Variants in EDC3 observed in about 807,000 individuals in gnomAD.
EDC3 encodes enhancer of mRNA decapping 3, also known as enhancer of mRNA-decapping protein 3.
In EDC3, 20 loss-of-function variants were observed where a neutral mutation model predicts 41.8. That is an observed-to-expected ratio of 0.48 (90% confidence interval 0.34 to 0.70). The LOEUF is 0.70. EDC3 is among the 30% of genes least tolerant of loss of function. The probability of loss-of-function intolerance (pLI) is 0.01; values close to 1 mark genes in which losing one functional copy is unlikely to be tolerated. For synonymous variants in EDC3, 206 were observed against 243.2 expected, an observed-to-expected ratio of 0.85 and a Z score of 1.42; for missense variants, 444 against 636.8, an observed-to-expected ratio of 0.70 and a Z score of 3.26.
chr15:74,672,471 C>T (rs577976053), intron 2 of EDC3, among the ~76,000 whole-genome samples: 1 of 152,090 alleles, frequency 6.6e-6, no homozygotes, highest in African/African-American at 2.4e-5. Context: ...CACTACGTGC[C>T]CACAGGAACT....
intron 2 of EDC3, among the ~76,000 whole-genome samples, chr15:74,674,510 T>C (rs1177127959): frequency 6.6e-6 from 1 of 151,924 alleles, no homozygotes; most frequent in South Asian, 2.1e-4. Flanking sequence ...ATGACAAAGT[T>C]AGAAAAAAAG....
At chr15:74,674,032 G>A (rs2062772941) in intron 2 of EDC3, among the ~76,000 whole-genome samples, 1 of 152,094 alleles carries the variant, frequency 6.6e-6, no homozygotes, top group African/African-American at 2.4e-5. Context: ...TGGAATACAT[G>A]CAAAGAAAAA....
chr15:74,660,171 G>A (rs1178639007), intron 3 of EDC3, among the ~76,000 whole-genome samples: 1 of 151,790 alleles, frequency 6.6e-6, no homozygotes, highest in African/African-American at 2.4e-5. Flanking sequence ...CACACCACTT[G>A]CACTCCGGCC....
At chr15:74,681,567 T>C (rs886791847) in intron 1 of EDC3, among the ~76,000 whole-genome samples, 1 of 152,128 alleles carries the variant, frequency 6.6e-6, no homozygotes, top group Non-Finnish European at 1.5e-5. Flanking sequence ...TGTAAATCGA[T>C]AAAATAGAAG....
chr15:74,675,651 C>A (rs542320332), intron 1 of EDC3, among the ~76,000 whole-genome samples: 2 of 145,990 alleles, frequency 1.4e-5, no homozygotes, highest in African/African-American at 5.1e-5. Context: ...TGGTGCGAGG[C>A]GGGCAGATCA....
chr15:74,661,934 T>G (rs1188290804), intron 3 of EDC3, among the ~76,000 whole-genome samples: 2 of 152,156 alleles, frequency 1.3e-5, no homozygotes, highest in East Asian at 1.9e-4. Context: ...ATATTTTGAT[T>G]TTCTTTTAGT....
At chr15:74,668,217 G>A (rs1424513939) in intron 3 of EDC3, among the ~76,000 whole-genome samples, 1 of 152,146 alleles carries the variant, frequency 6.6e-6, no homozygotes, top group East Asian at 1.9e-4. Flanking sequence ...TAAGAGCCAA[G>A]CAGAGAAATG....
chr15:74,653,837 A>C (rs1160910173), intron 4 of EDC3, among the ~76,000 whole-genome samples: 1 of 152,166 alleles, frequency 6.6e-6, no homozygotes, highest in Non-Finnish European at 1.5e-5. Context: ...GCTTTTGTCC[A>C]TGTTAGTAAA....
At chr15:74,645,811 G>A (rs1026001491) in intron 4 of EDC3, among the ~76,000 whole-genome samples, 1 of 152,132 alleles carries the variant, frequency 6.6e-6, no homozygotes. Context: ...GGCAGAGGCT[G>A]CAGTGAGCTG....
At position 74,631,139 on chromosome 15, in the gene EDC3, C is replaced by T. The variant is rs2062201804; in HGVS notation, c.*1473G>A. The stretch of plus-strand genomic sequence containing the variant: ...GGGAAGATGAGAGGAGGGGCCAGCC[C>T]TCTACCCTGGCTCATCTGCTTCTGG... On this transcript the variant is annotated 3_prime_UTR_variant, in exon 7 of 7. Coordinates refer to ENST00000315127, the MANE Select transcript of EDC3 (RefSeq NM_025083.5). 2 of 152,316 alleles carry T rather than the reference C, an allele frequency of 1.3e-5. No individual in the cohort carries two copies. Among genetic ancestry groups the T allele is most frequent in the South Asian group, 4.1e-4 (2 of 4,830 alleles). 9.4% of individuals were successfully genotyped at this position (152,316 alleles called of 1,614,324 possible).
At chr15:74,679,036 CA>C (rs1305048756) in intron 1 of EDC3, among the ~76,000 whole-genome samples, 45 of 140,042 alleles carry the variant, frequency 3.2e-4, no homozygotes, top group Admixed American at 5.7e-4. Context: ...ACTAAAAATA[CA>C]AAAAAAAAAA....
chr15:74,665,422 A>G (rs2062666861), intron 3 of EDC3, among the ~76,000 whole-genome samples: 1 of 152,240 alleles, frequency 6.6e-6, no homozygotes. Context: ...TCAAGCTCAT[A>G]GACTAAGATT....
At chr15:74,635,735 T>C (rs1402525685) in intron 5 of EDC3, 109 bp from the exon 6 acceptor site, 1 of 1,028,596 alleles carries the variant, frequency 9.7e-7, no homozygotes, top group Non-Finnish European at 1.4e-6. Flanking sequence ...TCTTACCCAC[T>C]GCTCACCAAG....
intron 1 of EDC3, 47 bp from the exon 2 acceptor site, chr15:74,675,189 C>G: frequency 1.3e-6 from 2 of 1,567,190 alleles, no homozygotes; most frequent in Non-Finnish European, 1.7e-6. Flanking sequence ...AAAAGACAAA[C>G]TTTTAATTAA....
intron 4 of EDC3, chr15:74,642,264 G>A (rs1479894706): frequency 1.3e-5 from 2 of 152,204 alleles, no homozygotes; most frequent in Admixed American, 6.5e-5. Flanking sequence ...GGCTAACTGA[G>A]CCCCTCTACC....
rs1567164853 is a variant in EDC3 at position 74,656,067 on chromosome 15, C to T, written c.486G>A (p.Trp162Ter). 1 of 1,606,354 alleles carries T rather than the reference C, an allele frequency of 6.2e-7. No homozygotes were observed. Among genetic ancestry groups the T allele is most frequent in the East Asian group, 2.2e-5 (1 of 44,770 alleles). ...GATTTGGGTGCCTGCTACTAGATGA[C>T]CCTGGAGAAAAAATAGGGACTAAAG... ...SKSFRRRHNS[W>*]SSSSRHPNQA... is the part of the protein sequence containing the mutation. The change falls in exon 4 of 7, where the codon TGG becomes TGA. Residue 162 changes from tryptophan to a stop codon, truncating the protein, a stop_gained and splice_region_variant. Transcript: ENST00000315127. LOFTEE classifies it high-confidence loss of function.
In EDC3 at chr15:74,632,475, T is replaced by C; in HGVS notation, c.*137A>G. 1.9e-6 allele frequency: 2 copies of C among 1,062,620 alleles called. No individual in the cohort carries two copies. Among genetic ancestry groups the C allele is most frequent in the Non-Finnish European group, 2.7e-6 (2 of 749,046 alleles). 65.8% of individuals were successfully genotyped at this position (1,062,620 alleles called of 1,614,324 possible). On this transcript the variant is annotated 3_prime_UTR_variant, in exon 7 of 7. Coordinates refer to ENST00000315127, the MANE Select transcript of EDC3 (RefSeq NM_025083.5). This position sits in a 1 kb window ranked among gnomAD's most constrained non-coding sequence, Gnocchi z 4.0. ...GAGCAAGTGACAGGTCAGTTTTAAG[T>C]AAGTTCTGTTCTCTCACAGAAGAAA...
At chr15:74,687,186 C>CAA (rs553525578) in intron 1 of EDC3, 7 of 139,808 alleles carry the variant, frequency 5.0e-5, no homozygotes, top group East Asian at 2.1e-4. Flanking sequence ...GACCCTGTCT[C>CAA]AAAAAAAAAA....
chr15:74,689,281 G>A (rs932508136), intron 1 of EDC3, among the ~76,000 whole-genome samples: 1 of 152,088 alleles, frequency 6.6e-6, no homozygotes, highest in Non-Finnish European at 1.5e-5. Context: ...TCCTCATCTT[G>A]CCAAAACTTG....
Sources: gnomAD v4.1 joint callset for allele counts (sites outside exome capture counted in the v4.1 genomes callset) on GRCh38, gnomAD v4.1.1 for gene constraint, Gnocchi (gnomAD v3.1) non-coding constraint, MANE v1.5 for transcripts, NCBI Gene and HGNC (gene_info 2026-07-23, HGNC 2026-07-21) for gene names.